KIRREL3: variants seen among roughly 807,000 people sequenced by gnomAD.
The protein encoded by KIRREL3 is kirre like nephrin family adhesion molecule 3.
In KIRREL3, 36 loss-of-function variants were observed where a neutral mutation model predicts 89.7. That is an observed-to-expected ratio of 0.40 (90% CI 0.31 to 0.53). The LOEUF (loss-of-function observed/expected upper bound fraction) is 0.53. Among genes scored for constraint, KIRREL3 ranks in the 20% least tolerant of loss-of-function variants. The probability of loss-of-function intolerance (pLI) is 0.49; values close to 1 mark genes in which losing one functional copy is unlikely to be tolerated. For missense variants in KIRREL3, 864 were observed against 1,056.6 expected (o/e 0.82, Z 2.53); for synonymous variants, 445 against 441.4 (o/e 1.01, Z -0.10).
Position 126,844,731 on chromosome 11 carries a change from C to T in KIRREL3, c.55+155724G>A, listed in dbSNP as rs1465644336. 6.6e-6 allele frequency among the ~76,000 whole-genome samples: 1 copy of T among 152,132 alleles called. No homozygotes were observed. The highest frequency in any genetic ancestry group is 1.5e-5 in the Non-Finnish European group (1 of 68,012). On this transcript the variant is annotated intron_variant, in intron 1 of 16. Transcript: ENST00000525144. This position sits in a 1 kb window ranked among gnomAD's most constrained non-coding sequence, Gnocchi z 4.8. ...ACTATAGGATGTTAACTGCTATTCT[C>T]TTTGGATTATTTTACTTGGCACTCT...
chr11:126,456,478 G>A (rs1591569187), intron 6 of KIRREL3, 24 bp from the exon 7 acceptor site: 1 of 1,463,090 alleles, frequency 6.8e-7, no homozygotes, highest in Non-Finnish European at 9.4e-7. Flanking sequence ...AGAGTCACTT[G>A]TAGACCGGAG....
chr11:126,753,741 G>A (rs184541835), intron 1 of KIRREL3, among the ~76,000 whole-genome samples: 3 of 152,228 alleles, frequency 2.0e-5, no homozygotes, highest in Admixed American at 1.3e-4. Context: ...CCAGTTCTCC[G>A]TATGATGCTG....
chr11:126,869,654 G>T (rs546999699), intron 1 of KIRREL3, among the ~76,000 whole-genome samples: 1 of 152,052 alleles, frequency 6.6e-6, no homozygotes, highest in Non-Finnish European at 1.5e-5. Context: ...GGCTGCATCC[G>T]CCTCAGGGTG....
At position 126,682,690 on chromosome 11, in the gene KIRREL3, A is replaced by G. The variant is rs957990213; in HGVS notation, c.56-119778T>C. Among the ~76,000 whole-genome samples the G allele has an allele frequency of 6.6e-6, 1 of 152,068 alleles. No individual in the cohort carries two copies. The highest frequency in any genetic ancestry group is 6.5e-5 in the Admixed American group (1 of 15,272). On this transcript the variant is annotated intron_variant, in intron 1 of 16. Transcript: ENST00000525144. This position sits in a 1 kb window ranked among gnomAD's most constrained non-coding sequence, Gnocchi z 4.8. ...GTTAGATTCTCATAAGAGACACAGC[A>G]CACAGCCTAGATCCATCACATGCGC... is the stretch of plus-strand genomic sequence containing the variant.
chr11:126,656,228 G>T lies in KIRREL3; in HGVS notation c.56-93316C>A, dbSNP rs1162543626. On this transcript the variant is annotated intron_variant, in intron 1 of 16. Coordinates refer to ENST00000525144, the MANE Select transcript of KIRREL3 (RefSeq NM_032531.4). This position sits in a 1 kb window ranked among gnomAD's most constrained non-coding sequence, Gnocchi z 4.0. Reference sequence around the variant, plus strand: ...GGACTCCGAAGTCAGAAAGATGCCTGTTGGTTCTGCCGTTCATATCTGTGA... The same window carrying T: ...GGACTCCGAAGTCAGAAAGATGCCTTTTGGTTCTGCCGTTCATATCTGTGA... 4 of 455,140 alleles carry T rather than the reference G, an allele frequency of 8.8e-6. No individual in the cohort carries two copies. The highest frequency in any genetic ancestry group is 1.8e-5 in the Non-Finnish European group (4 of 226,400). 28.2% of individuals were successfully genotyped at this position (455,140 alleles called of 1,614,324 possible).
In KIRREL3 at chr11:126,971,673, G is replaced by A. The variant is rs1279838648; in HGVS notation, c.55+28782C>T. On this transcript the variant is annotated intron_variant, in intron 1 of 16. Coordinates refer to ENST00000525144, the MANE Select transcript of KIRREL3 (RefSeq NM_032531.4). ...TTGGGCCCTATGTAAGATATTATTA[G>A]GGAAGGAACTTGTCATAAATCGTCT... 2.0e-5 allele frequency among the ~76,000 whole-genome samples: 3 copies of A among 152,176 alleles called. No individual in the cohort carries two copies. The South Asian group carries it at 6.2e-4, about 32-fold the overall frequency.
In KIRREL3 at chr11:126,520,199, T is replaced by G. The variant is rs1958539221; in HGVS notation, c.433+1116A>C. Among the ~76,000 whole-genome samples the G allele has an allele frequency of 6.6e-6, 1 of 152,228 alleles. No homozygotes were observed. The highest frequency in any genetic ancestry group is 2.1e-4 in the South Asian group (1 of 4,832). On this transcript the variant is annotated intron_variant, in intron 4 of 16. Coordinates refer to ENST00000525144, the MANE Select transcript of KIRREL3 (RefSeq NM_032531.4). The surrounding 1 kb of genome is among the most constrained non-coding windows in gnomAD (Gnocchi z 4.9). ...ATTTCATCTCTGAGCAGCTGTGTGC[T>G]TTAGCTGCCAGGAGAGGAGGCAGCA...
intron 4 of KIRREL3, among the ~76,000 whole-genome samples, chr11:126,507,090 T>G (rs2134384644): frequency 6.6e-6 from 1 of 152,288 alleles, no homozygotes; most frequent in East Asian, 1.9e-4. Flanking sequence ...TCAAACACAT[T>G]TTTCCAAGAG....
chr11:126,544,132 C>T lies in KIRREL3; in HGVS notation c.134-17445G>A, dbSNP rs1347523971. 6.6e-6 allele frequency: 1 copy of T among 152,236 alleles called. No individual in the cohort carries two copies. Among genetic ancestry groups the T allele is most frequent in the East Asian group, 1.9e-4 (1 of 5,188 alleles). 9.4% of individuals were successfully genotyped at this position (152,236 alleles called of 1,614,324 possible). A position where few individuals can be genotyped will look rare whatever the true frequency, so the allele number is the denominator to read the frequency against. On this transcript the variant is annotated intron_variant, in intron 2 of 16. Transcript: ENST00000525144. This position sits in a 1 kb window ranked among gnomAD's most constrained non-coding sequence, Gnocchi z 5.6. ...AATAAGAGAGTTACTCATGGCTTCA[C>T]TGGAGAGAAGAGAGCAGCTTTCAAC...
rs1943681029 is a variant in KIRREL3 at position 126,624,047 on chromosome 11, C to T, written c.56-61135G>A. On this transcript the variant is annotated intron_variant, in intron 1 of 16. Coordinates refer to ENST00000525144, the MANE Select transcript of KIRREL3 (RefSeq NM_032531.4). This position sits in a 1 kb window ranked among gnomAD's most constrained non-coding sequence, Gnocchi z 6.0. ...TCTTCACCTGTGATGACTGTTTTTC[C>T]ACCTGTGGCTTGGGAAGGACCATCC... Among the ~76,000 whole-genome samples, 1 of 152,136 alleles carries T rather than the reference C, an allele frequency of 6.6e-6. No individual in the cohort carries two copies. Among genetic ancestry groups the T allele is most frequent in the Non-Finnish European group, 1.5e-5 (1 of 68,024 alleles).
intron 4 of KIRREL3, among the ~76,000 whole-genome samples, chr11:126,517,136 AAGAGAG>A (rs199586143): frequency 0.029 from 4,134 of 140,886 alleles, 93 homozygotes; most frequent in Middle Eastern, 0.043. Context: ...GAGAGAGAGA[AAGAGAG>A]AGAGAGAGAG....
At chr11:126,927,674 C>T (rs183647365) in intron 1 of KIRREL3, among the ~76,000 whole-genome samples, 14 of 152,298 alleles carry the variant, frequency 9.2e-5, no homozygotes, top group Admixed American at 9.1e-4. Flanking sequence ...TGCTTCTTCC[C>T]TCCTCCCTCT....
chr11:126,654,159 C>T (rs563137059), intron 1 of KIRREL3, among the ~76,000 whole-genome samples: 4 of 147,954 alleles, frequency 2.7e-5, no homozygotes, highest in East Asian at 2.0e-4. Flanking sequence ...GGCTGGTGAG[C>T]GAGGGCTCGT....
chr11:126,586,436 G>T (rs1941859900), intron 1 of KIRREL3, among the ~76,000 whole-genome samples: 1 of 151,964 alleles, frequency 6.6e-6, no homozygotes, highest in South Asian at 2.1e-4. Context: ...GGGTCTCGTG[G>T]CCTCTCTACT....
chr11:126,885,542 T>C (rs1166301861), intron 1 of KIRREL3, among the ~76,000 whole-genome samples: 5 of 152,248 alleles, frequency 3.3e-5, no homozygotes. Context: ...ACAATGATCA[T>C]ATCAATCATC....
At chr11:126,637,823 A>G (rs1217489926) in intron 1 of KIRREL3, among the ~76,000 whole-genome samples, 2 of 152,246 alleles carry the variant, frequency 1.3e-5, no homozygotes, top group Non-Finnish European at 2.9e-5. Flanking sequence ...CAATGTCTAC[A>G]ATGTGCCAAG....
Position 126,943,046 on chromosome 11 carries a change from T to TC in KIRREL3, c.55+57408dup, listed in dbSNP as rs536989590. Among the ~76,000 whole-genome samples, 2 of 152,296 alleles carry TC rather than the reference T, an allele frequency of 1.3e-5. No individual in the cohort carries two copies. The highest frequency in any genetic ancestry group is 4.8e-5 in the African/African-American group (2 of 41,574). ...TTTTATTCTAAGATATTCCCTCCAATCCCCACCCACTGCAGACAAAGTCTC... is the reference window on the plus strand; with the variant it reads ...TTTTATTCTAAGATATTCCCTCCAATCCCCCACCCACTGCAGACAAAGTCTC... On this transcript the variant is annotated intron_variant, in intron 1 of 16. Coordinates refer to ENST00000525144, the MANE Select transcript of KIRREL3 (RefSeq NM_032531.4). This position sits in a 1 kb window ranked among gnomAD's most constrained non-coding sequence, Gnocchi z 4.2.
chr11:126,911,799 C>T (rs951877153), intron 1 of KIRREL3, among the ~76,000 whole-genome samples: 2 of 151,604 alleles, frequency 1.3e-5, no homozygotes, highest in African/African-American at 2.4e-5. Context: ...CTGGCTAACA[C>T]GGTGAAACCC....
chr11:126,812,286 G>GTA lies in KIRREL3; in HGVS notation c.55+188168_55+188169insTA, dbSNP rs1951416346. ...AGGCACTCATTACTATTGTTTTGTA[G>GTA]ATGTGGCTGGTGATAATAATGAGAA... On this transcript the variant is annotated intron_variant, in intron 1 of 16. Transcript: ENST00000525144. This position sits in a 1 kb window ranked among gnomAD's most constrained non-coding sequence, Gnocchi z 5.2. Among the ~76,000 whole-genome samples the GTA allele has an allele frequency of 6.6e-6, 1 of 152,144 alleles. No homozygotes were observed. Among genetic ancestry groups the GTA allele is most frequent in the Non-Finnish European group, 1.5e-5 (1 of 68,028 alleles).
Sources: gnomAD v4.1 joint callset for allele counts (sites outside exome capture counted in the v4.1 genomes callset) on GRCh38, gnomAD v4.1.1 for gene constraint, Gnocchi (gnomAD v3.1) non-coding constraint, MANE v1.5 for transcripts, NCBI Gene and HGNC (gene_info 2026-07-23, HGNC 2026-07-21) for gene names.